The following CIMAP1A variants were observed in gnomAD, a reference collection of about 807,000 sequenced individuals.
CIMAP1A encodes cancer/testis antigen 135.
At chr11:198,119 TGG>T in the CIMAP1A span, 1 of 1,562,348 alleles carries the variant, frequency 6.4e-7, no homozygotes. Flanking sequence ...CCTAGAATGT[TGG>T]GGAGTCCTCC....
At chr11:197,456 G>C in the CIMAP1A span, 1 of 1,588,852 alleles carries the variant, frequency 6.3e-7, no homozygotes, top group Non-Finnish European at 8.6e-7. Context: ...GGAGCCAGGC[G>C]GGCAGGTGGG....
At chr11:199,266 T>C in the CIMAP1A span, 6 of 1,505,368 alleles carry the variant, frequency 4.0e-6, no homozygotes, top group African/African-American at 1.4e-5. Context: ...GGGCACCAAC[T>C]TGTAGCTGAC....
At chr11:197,621 C>T in the CIMAP1A span, 4 of 1,613,526 alleles carry the variant, frequency 2.5e-6, no homozygotes, top group Non-Finnish European at 2.5e-6. Flanking sequence ...CGTGGGGCCC[C>T]CATGCTCCTG....
the CIMAP1A span, chr11:199,697 C>T: frequency 7.0e-7 from 1 of 1,435,992 alleles, no homozygotes. Context: ...ACCCTGAGGA[C>T]CCTGTACATT....
the CIMAP1A span, chr11:197,301 G>A: frequency 6.4e-7 from 1 of 1,567,506 alleles, no homozygotes; most frequent in African/African-American, 1.4e-5. Context: ...GGACAGAGCT[G>A]GCCATGACGG....
chr11:197,105 T>C, the CIMAP1A span: 1 of 511,130 alleles, frequency 2.0e-6, no homozygotes, highest in Non-Finnish European at 3.5e-6. Context: ...GGTGAGGAGC[T>C]CACAGACCCA....
At chr11:198,573 C>T in the CIMAP1A span, 6 of 1,599,438 alleles carry the variant, frequency 3.8e-6, no homozygotes, top group Non-Finnish European at 5.1e-6. Context: ...GCTTCAGCGA[C>T]GACCTACACA....
the CIMAP1A span, chr11:197,224 C>T: frequency 2.6e-4 from 246 of 956,680 alleles, no homozygotes; most frequent in African/African-American, 2.8e-3. Flanking sequence ...AGAGCAGGGT[C>T]GGGGACATCA....
chr11:198,295 C>T, the CIMAP1A span: 1 of 1,613,856 alleles, frequency 6.2e-7, no homozygotes, highest in Non-Finnish European at 8.5e-7. Flanking sequence ...GTGGACAGCA[C>T]CCCAGGTCCG....
At chr11:198,110 C>G in the CIMAP1A span, 1 of 1,557,058 alleles carries the variant, frequency 6.4e-7, no homozygotes, top group Non-Finnish European at 8.7e-7. Flanking sequence ...GGCCCCACGC[C>G]TAGAATGTTG....
At chr11:197,533 G>A in the CIMAP1A span, 8 of 1,609,768 alleles carry the variant, frequency 5.0e-6, no homozygotes, top group South Asian at 3.3e-5. Flanking sequence ...TCAGGCTCCG[G>A]GCTGCTCAGG....
chr11:199,960 C>G, the CIMAP1A span: 1 of 1,614,140 alleles, frequency 6.2e-7, no homozygotes, highest in Non-Finnish European at 8.5e-7. Flanking sequence ...CTGACCAAGC[C>G]CTGCGCCCCA....
the CIMAP1A span, chr11:200,173 C>A: frequency 1.4e-6 from 1 of 708,824 alleles, no homozygotes; most frequent in Non-Finnish European, 2.3e-6. Context: ...CAATTGTAAT[C>A]AGTTACTTTT....
At chr11:197,324 T>C in the CIMAP1A span, 2 of 1,585,102 alleles carry the variant, frequency 1.3e-6, no homozygotes, top group South Asian at 2.3e-5. Context: ...GAGGTATGGA[T>C]GGGTACCTGG....
At chr11:199,080 C>T in the CIMAP1A span, 1 of 1,287,890 alleles carries the variant, frequency 7.8e-7, no homozygotes, top group African/African-American at 1.5e-5. Context: ...TCCAACAGGG[C>T]AGCAACAGCC....
At chr11:197,849 G>A in the CIMAP1A span, 41 of 1,520,802 alleles carry the variant, frequency 2.7e-5, no homozygotes, top group Admixed American at 3.9e-5. Flanking sequence ...GTCAGCAAGG[G>A]TGTGGGAGAG....
At chr11:199,767 T>C in the CIMAP1A span, 4 of 1,439,846 alleles carry the variant, frequency 2.8e-6, no homozygotes, top group Admixed American at 2.8e-5. Context: ...CCTGCCCTTT[T>C]CCCTAGACAC....
chr11:198,110 C>T, the CIMAP1A span: 1 of 1,557,058 alleles, frequency 6.4e-7, no homozygotes, highest in Non-Finnish European at 8.7e-7. Flanking sequence ...GGCCCCACGC[C>T]TAGAATGTTG....
chr11:197,256 C>A, the CIMAP1A span: 1 of 1,376,686 alleles, frequency 7.3e-7, no homozygotes, highest in Non-Finnish European at 1.0e-6. Context: ...GGGACAGGGC[C>A]GGGCCTCCCA....
Sources: allele counts gnomAD v4.1 joint callset, GRCh38; gene constraint gnomAD v4.1.1; transcripts MANE v1.5; gene names NCBI Gene and HGNC (gene_info 2026-07-23, HGNC 2026-07-21).